Variants in CSMD1 observed in about 807,000 individuals in gnomAD.
CSMD1 encodes the protein CUB and sushi domain-containing protein 1.
Under a neutral mutation model 417.5 loss-of-function variants are expected in CSMD1, and 213 were observed. The observed-to-expected ratio is 0.51, with a 90% CI of 0.46 to 0.57. The LOEUF is 0.57. CSMD1 is among the 20% of genes least tolerant of loss of function. The pLI is 0.00. For missense variants in CSMD1, 6,923 were observed against 4,529.7 expected, an observed-to-expected ratio of 1.53 and a Z score of -15.17; for synonymous variants, 2,862 against 1,736.8, an observed-to-expected ratio of 1.65 and a Z score of -16.11.
At chr8:4,654,940 C>A (rs539444369) in intron 1 of CSMD1, among the ~76,000 whole-genome samples, 1 of 151,714 alleles carries the variant, frequency 6.6e-6, no homozygotes, top group South Asian at 2.1e-4. Flanking sequence ...CAGGTATCCC[C>A]CAAATCTAAA....
At position 4,318,220 on chromosome 8, in the gene CSMD1, A is replaced by T. The variant is rs557125339; in HGVS notation, c.415+101733T>A. 4.1e-3 allele frequency among the ~76,000 whole-genome samples: 619 copies of T among 152,250 alleles called. 7 individuals are homozygous for T. The highest frequency in any genetic ancestry group is 8.1e-3 in the Admixed American group (123 of 15,266). ...GTGAATGATAATTATTACAACTATT[A>T]GAACTTTTTTGTCACTGTAGAAAGA... On this transcript the variant is annotated intron_variant, in intron 3 of 69. Coordinates refer to ENST00000635120, the MANE Select transcript of CSMD1 (RefSeq NM_033225.6).
chr8:4,689,654 G>A (rs775098161), intron 1 of CSMD1, among the ~76,000 whole-genome samples: 1 of 152,238 alleles, frequency 6.6e-6, no homozygotes, highest in African/African-American at 2.4e-5. Flanking sequence ...TGTATCTGAG[G>A]CACCCAAGTA....
intron 5 of CSMD1, among the ~76,000 whole-genome samples, chr8:3,868,542 G>A (rs1001965572): frequency 6.6e-6 from 1 of 152,100 alleles, no homozygotes; most frequent in Non-Finnish European, 1.5e-5. Flanking sequence ...CGTACCTGCA[G>A]CCTGAACCCT....
At chr8:3,350,604 T>A (rs79596748) in intron 21 of CSMD1, among the ~76,000 whole-genome samples, 3,904 of 152,246 alleles carry the variant, frequency 0.026, 154 homozygotes, top group African/African-American at 0.089. Flanking sequence ...GTAACACAAG[T>A]TTAAATGTTC....
At chr8:3,657,965 T>C (rs954929269) in intron 7 of CSMD1, among the ~76,000 whole-genome samples, 1 of 152,206 alleles carries the variant, frequency 6.6e-6, no homozygotes, top group Non-Finnish European at 1.5e-5. Context: ...TGATTAATGG[T>C]AAATACATCA....
At chr8:3,391,645 A>G (rs1033088423) in intron 17 of CSMD1, among the ~76,000 whole-genome samples, 1 of 152,212 alleles carries the variant, frequency 6.6e-6, no homozygotes, top group Admixed American at 6.5e-5. Flanking sequence ...AGCCTCAAAA[A>G]AATGACTTCA....
chr8:3,872,150 T>C (rs548943325), intron 5 of CSMD1, among the ~76,000 whole-genome samples: 7 of 152,368 alleles, frequency 4.6e-5, no homozygotes, highest in African/African-American at 1.7e-4. Context: ...CATGTTGTTT[T>C]AACCCGTGTT....
chr8:4,890,443 C>T (rs772391621), intron 1 of CSMD1, among the ~76,000 whole-genome samples: 29 of 149,528 alleles, frequency 1.9e-4, no homozygotes, highest in Admixed American at 6.6e-4. Flanking sequence ...TCCCGCAGGA[C>T]AGGTGAGAAC....
intron 3 of CSMD1, among the ~76,000 whole-genome samples, chr8:4,312,439 GTATATATATACGTA>G (rs1163043828): frequency 9.0e-5 from 10 of 110,688 alleles, no homozygotes; most frequent in African/African-American, 2.3e-4. Flanking sequence ...ATATATATGC[GTATATATATACGTA>G]TATATATGCG....
chr8:3,833,997 C>T (rs80293250), intron 5 of CSMD1, among the ~76,000 whole-genome samples: 4,556 of 152,124 alleles, frequency 0.03, 251 homozygotes, highest in African/African-American at 0.1. Context: ...CACCACTTTT[C>T]AGGTGAATTA....
chr8:4,398,519 G>A (rs1393319108), intron 3 of CSMD1, among the ~76,000 whole-genome samples: 3 of 148,272 alleles, frequency 2.0e-5, no homozygotes, highest in Non-Finnish European at 3.0e-5. Context: ...TCAGCCTCCC[G>A]AGTAGGTGGG....
At chr8:3,590,918 A>ATTATATTTC (rs1800817577) in intron 8 of CSMD1, among the ~76,000 whole-genome samples, 1 of 152,218 alleles carries the variant, frequency 6.6e-6, no homozygotes, top group African/African-American at 2.4e-5. Flanking sequence ...ATATATAATA[A>ATTATATTTC]ACTAAGTTTT....
intron 1 of CSMD1, among the ~76,000 whole-genome samples, chr8:4,743,810 A>C (rs1240831090): frequency 6.6e-6 from 1 of 152,158 alleles, no homozygotes; most frequent in African/African-American, 2.4e-5. Flanking sequence ...AGGTGCTATG[A>C]AAACCTCTTT....
chr8:3,490,567 T>C (rs987649377), intron 11 of CSMD1, among the ~76,000 whole-genome samples: 2 of 152,208 alleles, frequency 1.3e-5, no homozygotes, highest in Non-Finnish European at 1.5e-5. Flanking sequence ...AGTGTTTGCA[T>C]GCATTATTTC....
At chr8:3,872,787 C>T (rs150118044) in intron 5 of CSMD1, among the ~76,000 whole-genome samples, 1 of 150,598 alleles carries the variant, frequency 6.6e-6, no homozygotes, top group African/African-American at 2.4e-5. Flanking sequence ...CGACAAAGAT[C>T]TAATATCCAG....
chr8:4,607,882 A>T (rs756342118), intron 2 of CSMD1, among the ~76,000 whole-genome samples: 6 of 152,092 alleles, frequency 3.9e-5, no homozygotes, highest in Non-Finnish European at 7.3e-5. Flanking sequence ...TCTTCCTTGA[A>T]TTCCTTCTTA....
intron 5 of CSMD1, among the ~76,000 whole-genome samples, chr8:3,828,487 C>G (rs1041929112): frequency 6.6e-6 from 1 of 152,152 alleles, no homozygotes; most frequent in African/African-American, 2.4e-5. Flanking sequence ...ATCACTTGAT[C>G]TTTATCAGTG....
chr8:4,534,129 C>T (rs547586177), intron 2 of CSMD1, among the ~76,000 whole-genome samples: 22 of 152,108 alleles, frequency 1.4e-4, no homozygotes, highest in Non-Finnish European at 2.4e-4. Context: ...ATCTTAATGG[C>T]ATTTGTCAGA....
intron 7 of CSMD1, among the ~76,000 whole-genome samples, chr8:3,666,176 A>G (rs960937281): frequency 6.6e-6 from 1 of 152,214 alleles, no homozygotes; most frequent in East Asian, 1.9e-4. Flanking sequence ...GATTACAGGC[A>G]TGAGCCACCA....
Sources: gnomAD v4.1 joint callset for allele counts (sites outside exome capture counted in the v4.1 genomes callset) on GRCh38, gnomAD v4.1.1 for gene constraint, MANE v1.5 for transcripts, NCBI Gene and HGNC (gene_info 2026-07-23, HGNC 2026-07-21) for gene names.